PPP4R4: variants seen among roughly 807,000 people sequenced by gnomAD.
PPP4R4 encodes protein phosphatase 4 regulatory subunit 4.
A neutral mutation model predicts 121.8 loss-of-function variants in PPP4R4; 70 were observed. The observed-to-expected ratio is 0.57, with a 90% CI of 0.47 to 0.70. PPP4R4 has a LOEUF of 0.70. Ranked by LOEUF, PPP4R4 falls within the 30% of genes least tolerant of loss-of-function variation. The pLI, the probability that PPP4R4 is intolerant of heterozygous loss-of-function variation, is 0.00. For synonymous variants in PPP4R4, 348 were observed against 355.7 expected, an observed-to-expected ratio of 0.98 and a Z score of 0.24; for missense variants, 875 against 1,033.6, an observed-to-expected ratio of 0.85 and a Z score of 2.10.
At chr14:94,197,579 A>C (rs192605694) in intron 2 of PPP4R4, among the ~76,000 whole-genome samples, 56 of 152,298 alleles carry the variant, frequency 3.7e-4, no homozygotes, top group Admixed American at 7.8e-4. Context: ...ATTGATGTAC[A>C]GTAAACTACA....
At chr14:94,212,441 T>A (rs1890792453) in intron 3 of PPP4R4, among the ~76,000 whole-genome samples, 1 of 152,080 alleles carries the variant, frequency 6.6e-6, no homozygotes, top group Non-Finnish European at 1.5e-5. Context: ...ATTTCCCCAA[T>A]TTATTTTCTA....
intron 23 of PPP4R4, among the ~76,000 whole-genome samples, chr14:94,270,436 T>C (rs1311945109): frequency 1.3e-5 from 2 of 152,174 alleles, no homozygotes; most frequent in Non-Finnish European, 2.9e-5. Context: ...AAAATAGTTT[T>C]GAAAAAGAAA....
At position 94,241,912 on chromosome 14, in the gene PPP4R4, G is replaced by GAAGA; in HGVS notation, c.1104_1107dup (p.Tyr370GlufsTer12). On this transcript the variant is annotated frameshift_variant, in exon 10 of 25. Transcript: ENST00000304338. LOFTEE classifies it high-confidence loss of function. ...TTCCACCCCAAATCCTAGAGCAGGA[G>GAAGA]AAGAAATATATTTCAGTACGGAAGA... 6.2e-7 allele frequency: 1 copy of GAAGA among 1,609,820 alleles called. No individual in the cohort carries two copies. The highest frequency in any genetic ancestry group is 8.5e-7 in the Non-Finnish European group (1 of 1,178,160).
chr14:94,221,778 C>G (rs1272172199), intron 3 of PPP4R4, among the ~76,000 whole-genome samples: 1 of 152,076 alleles, frequency 6.6e-6, no homozygotes, highest in Non-Finnish European at 1.5e-5. Context: ...AATGGTACAA[C>G]AACTTTAGAA....
intron 14 of PPP4R4, among the ~76,000 whole-genome samples, chr14:94,249,427 C>T (rs1409229007): frequency 6.6e-6 from 1 of 151,982 alleles, no homozygotes; most frequent in African/African-American, 2.4e-5. Flanking sequence ...TTTCAAGGAT[C>T]CCCACTATAA....
intron 22 of PPP4R4, 89 bp downstream of exon 22, chr14:94,265,976 G>C (rs775147794): frequency 1.1e-6 from 1 of 945,452 alleles, no homozygotes; most frequent in African/African-American, 1.8e-5. Context: ...ATAAAAATCA[G>C]AATTAATTTT....
intron 2 of PPP4R4, among the ~76,000 whole-genome samples, chr14:94,193,499 C>T (rs1889711021): frequency 6.6e-6 from 1 of 152,108 alleles, no homozygotes; most frequent in Non-Finnish European, 1.5e-5. Flanking sequence ...TATTTATTAG[C>T]ACAATGCCTG....
chr14:94,198,561 A>G (rs76359044), intron 2 of PPP4R4, among the ~76,000 whole-genome samples: 1,708 of 152,260 alleles, frequency 0.011, 13 homozygotes, highest in Non-Finnish European at 0.018. Context: ...TAAATTTTTT[A>G]TACTTTACCT....
At chr14:94,261,143 A>G (rs1340698530) in intron 19 of PPP4R4, among the ~76,000 whole-genome samples, 3 of 152,056 alleles carry the variant, frequency 2.0e-5, no homozygotes, top group South Asian at 2.1e-4. Flanking sequence ...CCACTTATTT[A>G]TAAGTTTATC....
chr14:94,192,498 A>G (rs185546554), intron 2 of PPP4R4, among the ~76,000 whole-genome samples: 135 of 152,298 alleles, frequency 8.9e-4, no homozygotes, highest in South Asian at 2.1e-3. Flanking sequence ...ACTATCAACT[A>G]TGTAAAGTTT....
At chr14:94,193,941 C>G (rs1407300052) in intron 2 of PPP4R4, among the ~76,000 whole-genome samples, 1 of 152,172 alleles carries the variant, frequency 6.6e-6, no homozygotes, top group Non-Finnish European at 1.5e-5. Context: ...CCTTGGATTA[C>G]AGGAAATCAG....
At chr14:94,267,378 TG>T in intron 23 of PPP4R4, among the ~76,000 whole-genome samples, 1 of 152,318 alleles carries the variant, frequency 6.6e-6, no homozygotes, top group African/African-American at 2.4e-5. Context: ...TAAATCTAGA[TG>T]AACAGCTAGA....
chr14:94,210,394 G>C lies in PPP4R4; in HGVS notation c.294+1828G>C, dbSNP rs1890683400. ...CAAATGTATCTTTTGAAACTGTAAGGTATGCCTGAGTTTTAGAAGATATGG... is the reference window on the plus strand; with the variant it reads ...CAAATGTATCTTTTGAAACTGTAAGCTATGCCTGAGTTTTAGAAGATATGG... On this transcript the variant is annotated intron_variant, in intron 3 of 24. Coordinates refer to ENST00000304338, the MANE Select transcript of PPP4R4 (RefSeq NM_058237.2). 2.6e-5 allele frequency among the ~76,000 whole-genome samples: 4 copies of C among 151,474 alleles called. No individual in the cohort carries two copies. The South Asian group carries it at 8.4e-4, about 32-fold the overall frequency.
In PPP4R4 at chr14:94,245,642, G is replaced by A. The variant is rs1892854214; in HGVS notation, c.1400G>A (p.Gly467Asp). Reference sequence around the variant, plus strand: ...GAAATCTTGGAACTTATGTCTACTGGTGGAGAAAGCAGTGTTCAAGAAAAT... The same window carrying A: ...GAAATCTTGGAACTTATGTCTACTGATGGAGAAAGCAGTGTTCAAGAAAAT... Reference protein sequence around the residue: ...LPEILELMSTGGESSVQENKL... With the variant: ...LPEILELMSTDGESSVQENKL... Residue 467 changes from glycine to aspartate, a missense_variant, in exon 13 of 25, where the codon GGT becomes GAT. By Grantham distance (94) the Gly-to-Asp change is moderately conservative. Transcript: ENST00000304338. The A allele has an allele frequency of 3.1e-6, 5 of 1,600,290 alleles. No individual in the cohort carries two copies. The highest frequency in any genetic ancestry group is 3.4e-6 in the Non-Finnish European group (4 of 1,169,500).
At chr14:94,268,531 T>G (rs183188759) in intron 23 of PPP4R4, among the ~76,000 whole-genome samples, 2 of 152,270 alleles carry the variant, frequency 1.3e-5, no homozygotes, top group African/African-American at 4.8e-5. Context: ...TCCAAAGTCT[T>G]AAGTTATGTA....
At chr14:94,250,972 T>C (rs1026456461) in intron 15 of PPP4R4, among the ~76,000 whole-genome samples, 1 of 152,022 alleles carries the variant, frequency 6.6e-6, no homozygotes, top group Non-Finnish European at 1.5e-5. Context: ...TGTGTATCAC[T>C]ACTTTTCAAA....
intron 3 of PPP4R4, among the ~76,000 whole-genome samples, chr14:94,222,073 A>G (rs1891431709): frequency 6.6e-6 from 1 of 151,816 alleles, no homozygotes; most frequent in Non-Finnish European, 1.5e-5. Flanking sequence ...GATGTTTTAG[A>G]TTTTATTTTG....
At chr14:94,224,286 A>ATTT (rs1324451758) in intron 3 of PPP4R4, among the ~76,000 whole-genome samples, 1 of 152,176 alleles carries the variant, frequency 6.6e-6, no homozygotes, top group African/African-American at 2.4e-5. Context: ...TATAGTTTTA[A>ATTT]ATGCTTTGAA....
At chr14:94,194,089 A>AT (rs1422419606) in intron 2 of PPP4R4, among the ~76,000 whole-genome samples, 3 of 152,232 alleles carry the variant, frequency 2.0e-5, no homozygotes, top group African/African-American at 7.2e-5. Flanking sequence ...TTGGCATAAG[A>AT]TTTTACTATA....
Sources: allele counts gnomAD v4.1 joint callset (sites outside exome capture counted in the v4.1 genomes callset), GRCh38; gene constraint gnomAD v4.1.1; transcripts MANE v1.5; gene names NCBI Gene and HGNC (gene_info 2026-07-23, HGNC 2026-07-21).